Variants in NAP1L4 observed in about 807,000 individuals in gnomAD.
NAP1L4 encodes nucleosome assembly protein 1-like 4.
A neutral mutation model predicts 58.2 loss-of-function variants in NAP1L4; 15 were observed. The ratio of observed to expected loss-of-function variants is 0.26; its 90% CI spans 0.17 to 0.40. The LOEUF is 0.40. Ranked by LOEUF, NAP1L4 falls within the 10% of genes least tolerant of loss-of-function variation. NAP1L4 has a pLI of 1.00. For missense variants in NAP1L4, 384 were observed against 451.1 expected, an observed-to-expected ratio of 0.85 and a Z score of 1.35; for synonymous variants, 171 against 155.6, an observed-to-expected ratio of 1.10 and a Z score of -0.74.
intron 1 of NAP1L4, among the ~76,000 whole-genome samples, chr11:2,985,031 C>T (rs940115451): frequency 5.3e-5 from 8 of 151,568 alleles, no homozygotes; most frequent in Non-Finnish European, 8.8e-5. Flanking sequence ...AATTCATTCA[C>T]GTTTCCCACA....
chr11:2,980,094 A>G (rs1167210703), intron 1 of NAP1L4, among the ~76,000 whole-genome samples: 1 of 152,186 alleles, frequency 6.6e-6, no homozygotes, highest in Non-Finnish European at 1.5e-5. Context: ...TTATTTCTAT[A>G]TTGGTAGAAT....
intron 8 of NAP1L4, among the ~76,000 whole-genome samples, chr11:2,961,228 G>T (rs1428683196): frequency 2.6e-5 from 4 of 152,116 alleles, no homozygotes; most frequent in Non-Finnish European, 5.9e-5. Context: ...AACTTTCAAA[G>T]AAAGGTGGAG....
intron 10 of NAP1L4, 188 bp downstream of exon 10, chr11:2,958,211 C>T: frequency 1.4e-6 from 1 of 705,658 alleles, no homozygotes; most frequent in Non-Finnish European, 2.6e-6. Flanking sequence ...ACTGTCCTAG[C>T]TACCTCTGCC....
intron 10 of NAP1L4, chr11:2,958,172 T>C: frequency 1.5e-6 from 1 of 685,268 alleles, no homozygotes. Context: ...GCTCTTCCCT[T>C]TCCTGCAGAA....
Position 2,954,043 on chromosome 11 carries a change from T to C in NAP1L4, c.1035+484A>G, listed in dbSNP as rs1341288967. Among the ~76,000 whole-genome samples the C allele has an allele frequency of 1.3e-5, 2 of 152,180 alleles. No homozygotes were observed. The highest frequency in any genetic ancestry group is 6.5e-5 in the Admixed American group (1 of 15,278). On this transcript the variant is annotated intron_variant, in intron 12 of 15. Transcript: ENST00000380542. This position sits in a 1 kb window ranked among gnomAD's most constrained non-coding sequence, Gnocchi z 4.8. ...CTCAAGCCCAGAAAGGAAAGTGACA[T>C]GCAATCTTGTTGTTTTCTTCGGGAG...
chr11:2,972,582 G>A (rs928976424), intron 4 of NAP1L4, among the ~76,000 whole-genome samples: 7 of 152,198 alleles, frequency 4.6e-5, no homozygotes, highest in African/African-American at 1.2e-4. Flanking sequence ...CAGGTTTTAC[G>A]AGGCTAAGGG....
In NAP1L4 at chr11:2,951,439, T is replaced by C. The variant is rs1344643918; in HGVS notation, c.1066-124A>G. 2.5e-6 allele frequency: 2 copies of C among 804,988 alleles called. No individual in the cohort carries two copies. The highest frequency in any genetic ancestry group is 4.3e-6 in the Non-Finnish European group (2 of 469,388). 49.9% of individuals were successfully genotyped at this position (804,988 alleles called of 1,614,324 possible). ...GAAATCAATTACTGCTACCCACAAG[T>C]GACTCATCACTTCCTTTGGACACTT... On this transcript the variant is annotated intron_variant, in intron 13 of 15. Coordinates refer to ENST00000380542, the MANE Select transcript of NAP1L4 (RefSeq NM_005969.4). The surrounding 1 kb of genome is among the most constrained non-coding windows in gnomAD (Gnocchi z 4.0).
chr11:2,972,041 G>C (rs768173338), intron 5 of NAP1L4, 61 bp downstream of exon 5: 2 of 1,440,212 alleles, frequency 1.4e-6, no homozygotes, highest in South Asian at 1.6e-5. Flanking sequence ...TGGGTTTATC[G>C]GAACCTAACA....
In NAP1L4 at chr11:2,945,545, C is replaced by G. The variant is rs1472986272; in HGVS notation, c.*134G>C. The G allele has an allele frequency of 1.4e-6, 2 of 1,436,616 alleles. No individual in the cohort carries two copies. Among genetic ancestry groups the G allele is most frequent in the African/African-American group, 1.4e-5 (1 of 70,918 alleles). The allele number at this position is 1,436,616 out of a possible 1,614,324, so 89.0% of individuals were successfully genotyped here. ...CACGGGATTGTGCTGCGGCAAGGAC[C>G]GAGGCCCCGCCCACAGGCCTGGAGT... On this transcript the variant is annotated 3_prime_UTR_variant, in exon 16 of 16. Transcript: ENST00000380542.
chr11:2,956,549 C>G (rs1473327496), intron 10 of NAP1L4, among the ~76,000 whole-genome samples: 1 of 152,220 alleles, frequency 6.6e-6, no homozygotes, highest in Non-Finnish European at 1.5e-5. Context: ...GACCACAACC[C>G]TGGCAGCACT....
intron 12 of NAP1L4, among the ~76,000 whole-genome samples, chr11:2,953,462 C>T (rs2133910498): frequency 6.6e-6 from 1 of 152,334 alleles, no homozygotes; most frequent in Admixed American, 6.5e-5. Context: ...AGTCCTACTG[C>T]ACTGGACCAA....
chr11:2,978,040 TA>T (rs1564988099), intron 3 of NAP1L4, among the ~76,000 whole-genome samples: 2 of 152,168 alleles, frequency 1.3e-5, no homozygotes, highest in African/African-American at 4.8e-5. Context: ...TAATCAATAC[TA>T]AAGCTCACTG....
At chr11:2,984,639 A>G (rs1008690337) in intron 1 of NAP1L4, among the ~76,000 whole-genome samples, 7 of 152,184 alleles carry the variant, frequency 4.6e-5, no homozygotes, top group African/African-American at 1.7e-4. Context: ...TGCAGAATAC[A>G]CATTCCTACC....
At chr11:2,947,600 T>C (rs2133890637) in intron 15 of NAP1L4, among the ~76,000 whole-genome samples, 1 of 152,098 alleles carries the variant, frequency 6.6e-6, no homozygotes, top group South Asian at 2.1e-4. Flanking sequence ...CAATTGTTTT[T>C]AGCTTGTGAC....
At chr11:2,965,775 C>T (rs1847240438) in intron 7 of NAP1L4, among the ~76,000 whole-genome samples, 1 of 152,156 alleles carries the variant, frequency 6.6e-6, no homozygotes, top group African/African-American at 2.4e-5. Context: ...TGTGATCCAC[C>T]CACCTCGGCC....
rs546364521 is a variant in NAP1L4 at position 2,961,733 on chromosome 11, T to C, written c.607-1824A>G. 7.7e-4 allele frequency among the ~76,000 whole-genome samples: 118 copies of C among 152,322 alleles called. 1 individual carries two copies. The highest frequency in any genetic ancestry group is 9.1e-4 in the Non-Finnish European group (62 of 68,016). ...CTCTTTTAAAGACCAGTTCTCCCTA[T>C]GTTGCCCAGGCTGGTCTTGAACTCC... On this transcript the variant is annotated intron_variant, in intron 8 of 15. Coordinates refer to ENST00000380542, the MANE Select transcript of NAP1L4 (RefSeq NM_005969.4).
At chr11:2,983,785 A>G (rs1819030061) in intron 1 of NAP1L4, 2 of 152,214 alleles carry the variant, frequency 1.3e-5, no homozygotes, top group Non-Finnish European at 2.9e-5. Flanking sequence ...GTTTCAGACC[A>G]GCCTGGGCAA....
At chr11:2,977,306 T>C (rs1394083805) in intron 3 of NAP1L4, among the ~76,000 whole-genome samples, 1 of 152,182 alleles carries the variant, frequency 6.6e-6, no homozygotes, top group Non-Finnish European at 1.5e-5. Context: ...ACTGTCTTAA[T>C]CATCAATCTC....
Position 2,972,129 on chromosome 11 carries a change from T to C in NAP1L4, c.288A>G (p.Ala96=). The C allele has an allele frequency of 6.3e-7, 1 of 1,598,688 alleles. No homozygotes were observed. Among genetic ancestry groups the C allele is most frequent in the Non-Finnish European group, 8.5e-7 (1 of 1,175,740 alleles). ...TGTCAAAGAGAGGCTGGTATAGCGC[T>C]GCATACTTTCTTTCCAAGTCATGTA... ...EEVHDLERKY[A]ALYQPLFDKR... The change falls in exon 5 of 16, where the codon GCA becomes GCG. Residue 96 remains alanine (A), a synonymous_variant. Coordinates refer to ENST00000380542, the MANE Select transcript of NAP1L4 (RefSeq NM_005969.4).
Sources: allele counts gnomAD v4.1 joint callset (sites outside exome capture counted in the v4.1 genomes callset), GRCh38; gene constraint gnomAD v4.1.1; non-coding constraint Gnocchi (gnomAD v3.1); transcripts MANE v1.5; gene names NCBI Gene and HGNC (gene_info 2026-07-23, HGNC 2026-07-21).